ALDH4A1: variants seen among roughly 807,000 people sequenced by gnomAD.
ALDH4A1 encodes the protein aldehyde dehydrogenase 4 family member A1.
A neutral mutation model predicts 70.5 loss-of-function variants in ALDH4A1; 46 were observed. That is an observed-to-expected ratio of 0.65 (90% CI 0.51 to 0.83). The LOEUF is 0.83. Among genes scored for constraint, ALDH4A1 ranks in the 40% least tolerant of loss-of-function variants. ALDH4A1 has a pLI of 0.00. For missense variants in ALDH4A1, 749 were observed against 766.5 expected (o/e 0.98, Z 0.27); for synonymous variants, 323 against 324.3 (o/e 1.00, Z 0.04).
rs371138249 is a variant in ALDH4A1, at chr1:18,883,394, G to T, written c.488C>A (p.Ala163Glu). 1.9e-6 allele frequency: 3 copies of T among 1,613,362 alleles called. No individual in the cohort carries two copies. Among genetic ancestry groups the T allele is most frequent in the Non-Finnish European group, 2.5e-6 (3 of 1,180,054 alleles). The change falls in exon 6 of 15, where the codon GCA becomes GAA. Residue 163 changes from alanine to glutamate, a missense_variant. Transcript: ENST00000375341. ...CCGGAAGAAGTCGATGAGTTCCGCT[G>T]CAGCGTCAATCTCCGCTTGGATCAC... is the stretch of plus-strand genomic sequence containing the variant. ...KTVIQAEIDA[A>E]AELIDFFRFN...
At chr1:18,890,809 C>A in intron 1 of ALDH4A1, 1 of 984,886 alleles carries the variant, frequency 1.0e-6, no homozygotes, top group Non-Finnish European at 1.2e-6. Flanking sequence ...CAAAAAGACC[C>A]AAACTCCTCT....
Position 18,879,324 on chromosome 1 carries a change from G to A in ALDH4A1, c.916C>T (p.His306Tyr). 1 of 1,610,864 alleles carries A rather than the reference G, an allele frequency of 6.2e-7. No individual in the cohort carries two copies. The highest frequency in any genetic ancestry group is 8.5e-7 in the Non-Finnish European group (1 of 1,178,778). ...KQVAQNLDRF[H>Y]TFPRLAGECG... ...CCTCCAGCCAGGCGTGGGAAGGTGTGGAACCGGTCCAGGTTCTGGGCCACC... is the reference window on the plus strand; with the variant it reads ...CCTCCAGCCAGGCGTGGGAAGGTGTAGAACCGGTCCAGGTTCTGGGCCACC... Residue 306 changes from histidine to tyrosine, a missense_variant, in exon 9 of 15, where the codon CAC (histidine) becomes TAC (tyrosine). His to Tyr is a moderately conservative substitution (Grantham distance 83). Transcript: ENST00000375341.
chr1:18,871,878 C>G lies in ALDH4A1; in HGVS notation c.*967G>C, dbSNP rs1429151842. 3 of 152,314 alleles carry G rather than the reference C, an allele frequency of 2.0e-5. No homozygotes were observed. The highest frequency in any genetic ancestry group is 4.4e-5 in the Non-Finnish European group (3 of 68,082). The allele number at this position is 152,314 out of a possible 1,614,324, so 9.4% of individuals were successfully genotyped here. On this transcript the variant is annotated 3_prime_UTR_variant, in exon 15 of 15. Transcript: ENST00000375341. ...TGGTCCACACAGAGCCACTCCCAGG[C>G]AGAGGAGGATTCTACAGGCAACGTC...
chr1:18,887,374 C>T (rs529625929), intron 3 of ALDH4A1, among the ~76,000 whole-genome samples: 106 of 152,326 alleles, frequency 7.0e-4, no homozygotes, highest in East Asian at 2.1e-3. Context: ...CCAAGGCGGG[C>T]GGATCACAAG....
chr1:18,880,000 T>C (rs1252237124), intron 8 of ALDH4A1, among the ~76,000 whole-genome samples: 1 of 150,254 alleles, frequency 6.7e-6, no homozygotes, highest in African/African-American at 2.5e-5. Flanking sequence ...AATACTAATT[T>C]ATGGCCTTCC....
chr1:18,886,952 T>A (rs1040836323), intron 3 of ALDH4A1, among the ~76,000 whole-genome samples: 25 of 152,108 alleles, frequency 1.6e-4, no homozygotes, highest in African/African-American at 5.8e-4. Flanking sequence ...CCAAAGGGGA[T>A]CATGGATGAA....
rs1029297447 is a variant in ALDH4A1, at chr1:18,877,402, A to G, written c.1137+14T>C. 3.8e-6 allele frequency: 6 copies of G among 1,559,664 alleles called. No individual in the cohort carries two copies. The African/African-American group carries it at 6.8e-5, about 18-fold the overall frequency. On this transcript the variant is annotated intron_variant, in intron 10 of 14. Coordinates refer to ENST00000375341, the MANE Select transcript of ALDH4A1 (RefSeq NM_003748.4). ...CCCCCGCTGGGCCGCGGCGGGGGTG[A>G]CGGTGCCACTCACGTCGCCCACTTT...
chr1:18,891,803 G>A (rs892909824), intron 1 of ALDH4A1, among the ~76,000 whole-genome samples: 2 of 152,126 alleles, frequency 1.3e-5, no homozygotes, highest in African/African-American at 4.8e-5. Flanking sequence ...CAAGGTGGGC[G>A]GATCACTTGA....
At position 18,886,514 on chromosome 1, in the gene ALDH4A1, G is replaced by A; in HGVS notation, c.250-3C>T. On this transcript the variant is annotated splice_region_variant and splice_polypyrimidine_tract_variant and intron_variant, in intron 3 of 14. Transcript: ENST00000375341. ...ACCTTATGTCCATGGTTAAAAGGCT[G>A]AAAGGAGAGAAGAGTGAGGTCCTTG... 6.2e-7 allele frequency: 1 copy of A among 1,614,096 alleles called. No individual in the cohort carries two copies. Among genetic ancestry groups the A allele is most frequent in the Non-Finnish European group, 8.5e-7 (1 of 1,179,970 alleles).
rs1265672904 is a variant in ALDH4A1 at position 18,883,344 on chromosome 1, G to T, written c.538C>A (p.Leu180Met). 1 of 1,613,428 alleles carries T rather than the reference G, an allele frequency of 6.2e-7. No homozygotes were observed. Among genetic ancestry groups the T allele is most frequent in the East Asian group, 2.2e-5 (1 of 44,884 alleles). The change falls in exon 6 of 15, where the codon CTG becomes ATG. Residue 180 changes from leucine to methionine, a missense_variant. Transcript: ENST00000375341. ...ACGCTGATGGGCTGCTGCCCCTCCA[G>T]CTCCACCGCATACTTGGCATTGAAC... ...FRFNAKYAVE[L>M]EGQQPISVPP... is the part of the protein sequence containing the mutation.
At chr1:18,878,589 T>C (rs529043500) in intron 9 of ALDH4A1, among the ~76,000 whole-genome samples, 2 of 152,238 alleles carry the variant, frequency 1.3e-5, no homozygotes, top group East Asian at 3.9e-4. Context: ...TCCCAAAATG[T>C]GCTCCACAAA....
intron 8 of ALDH4A1, among the ~76,000 whole-genome samples, chr1:18,879,978 G>A (rs992209746): frequency 1.3e-5 from 2 of 152,194 alleles, no homozygotes; most frequent in Non-Finnish European, 2.9e-5. Context: ...GGGAGCCAGC[G>A]ACACAGTAGC....
At chr1:18,893,808 G>A (rs1935525732) in intron 1 of ALDH4A1, among the ~76,000 whole-genome samples, 3 of 152,106 alleles carry the variant, frequency 2.0e-5, no homozygotes, top group African/African-American at 7.2e-5. Context: ...CCAGCCGGTA[G>A]CTTATATTAT....
intron 5 of ALDH4A1, 124 bp downstream of exon 5, chr1:18,885,349 T>C: frequency 1.0e-6 from 1 of 962,784 alleles, no homozygotes; most frequent in Non-Finnish European, 1.6e-6. Context: ...CTTGAGGACA[T>C]CTCTGGGTCC....
chr1:18,902,045 C>T (rs1935817332), intron 1 of ALDH4A1, among the ~76,000 whole-genome samples: 1 of 151,098 alleles, frequency 6.6e-6, no homozygotes, highest in African/African-American at 2.4e-5. Context: ...GGACACTGAA[C>T]GTGAGACGAG....
At chr1:18,890,215 G>A (rs1935384213) in intron 1 of ALDH4A1, 110 bp from the exon 2 acceptor site, 2 of 888,974 alleles carry the variant, frequency 2.2e-6, no homozygotes, top group Admixed American at 2.1e-5. Flanking sequence ...CCCAGAGCCT[G>A]AAATCCAATG....
At chr1:18,872,998 A>G (rs1047534400) in intron 14 of ALDH4A1, 41 bp from the exon 15 acceptor site, 10 of 1,535,800 alleles carry the variant, frequency 6.5e-6, no homozygotes, top group Non-Finnish European at 8.1e-6. Context: ...AAAAGATGCA[A>G]CAGCCTGGGC....
At chr1:18,896,659 G>C (rs192059136) in intron 1 of ALDH4A1, among the ~76,000 whole-genome samples, 1 of 152,286 alleles carries the variant, frequency 6.6e-6, no homozygotes, top group Non-Finnish European at 1.5e-5. Flanking sequence ...TTGGGAGGCT[G>C]AGGAGGGTGG....
rs139447728 is a variant in ALDH4A1 at position 18,889,433 on chromosome 1, G to A, written c.178C>T (p.Arg60Trp). ...LQKALKDLKG[R>W]MEAIPCVVGD... ...ACCACGCATGGGATGGCTTCCATCC[G>A]GCCCTTCAGGTCCTTCAAGGCCTGG... Residue 60 changes from arginine to tryptophan, a missense_variant, in exon 3 of 15, where the codon CGG becomes TGG. Physicochemically the swap from Arg to Trp is moderately radical, Grantham distance 101. Coordinates refer to ENST00000375341, the MANE Select transcript of ALDH4A1 (RefSeq NM_003748.4). 2.5e-5 allele frequency: 39 copies of A among 1,552,172 alleles called. No individual in the cohort carries two copies. The highest frequency in any genetic ancestry group is 2.2e-4 in the African/African-American group (16 of 73,168).
Sources: gnomAD v4.1 joint callset for allele counts (sites outside exome capture counted in the v4.1 genomes callset) on GRCh38, gnomAD v4.1.1 for gene constraint, MANE v1.5 for transcripts, NCBI Gene and HGNC (gene_info 2026-07-23, HGNC 2026-07-21) for gene names.